The following COL23A1 variants were observed in gnomAD, a reference collection of about 807,000 sequenced individuals.
COL23A1 encodes collagen alpha-1(XXIII) chain.
In COL23A1, 97 loss-of-function variants were observed where a neutral mutation model predicts 99.3. The observed-to-expected ratio is 0.98, with a 90% CI of 0.83 to 1.16. The LOEUF (loss-of-function observed/expected upper bound fraction) is 1.16. Ranked by LOEUF, COL23A1 falls within the 50% of genes most tolerant of loss-of-function variation. The pLI is 0.00. For missense variants in COL23A1, 762 were observed against 757.4 expected (o/e 1.01, Z -0.07); for synonymous variants, 320 against 308.2 (o/e 1.04, Z -0.40).
At chr5:178,586,842 G>C (rs1231214304) in intron 1 of COL23A1, among the ~76,000 whole-genome samples, 4 of 152,138 alleles carry the variant, frequency 2.6e-5, no homozygotes, top group Admixed American at 2.6e-4. Flanking sequence ...CAAAGAGGCT[G>C]AAAAATCTCC....
At chr5:178,563,053 C>A (rs1399329775) in intron 1 of COL23A1, among the ~76,000 whole-genome samples, 1 of 152,234 alleles carries the variant, frequency 6.6e-6, no homozygotes, top group Non-Finnish European at 1.5e-5. Flanking sequence ...CTTCACCTCT[C>A]AAAAGCAATA....
rs538218529 is a variant in COL23A1, at chr5:178,442,670, A to G, written c.361+118012T>C. Among the ~76,000 whole-genome samples the G allele has an allele frequency of 3.3e-5, 5 of 152,300 alleles. No homozygotes were observed. The East Asian group carries it at 9.7e-4, about 29-fold the overall frequency. ...TTTAAAGCAGCAGAAGCTGCTCTTTAAACAGAAGGCATCTCGGAGAGGCCA... is the reference window on the plus strand; with the variant it reads ...TTTAAAGCAGCAGAAGCTGCTCTTTGAACAGAAGGCATCTCGGAGAGGCCA... On this transcript the variant is annotated intron_variant, in intron 2 of 28. Transcript: ENST00000390654.
chr5:178,486,880 G>C (rs1757660611), intron 2 of COL23A1, among the ~76,000 whole-genome samples: 1 of 152,188 alleles, frequency 6.6e-6, no homozygotes, highest in Non-Finnish European at 1.5e-5. Flanking sequence ...ACCCTGAGTG[G>C]GGAAACGAAG....
chr5:178,347,781 T>C (rs1761061864), intron 2 of COL23A1, among the ~76,000 whole-genome samples: 1 of 148,712 alleles, frequency 6.7e-6, no homozygotes, highest in Non-Finnish European at 1.5e-5. Flanking sequence ...CTCGGGAGGC[T>C]GAGGCAGGAG....
chr5:178,425,616 C>A (rs527875449), intron 2 of COL23A1, among the ~76,000 whole-genome samples: 11 of 152,120 alleles, frequency 7.2e-5, no homozygotes, highest in African/African-American at 2.7e-4. Context: ...TGCAACCGGC[C>A]AACACACGTC....
intron 2 of COL23A1, among the ~76,000 whole-genome samples, chr5:178,516,575 C>G (rs1759528785): frequency 6.6e-6 from 1 of 152,236 alleles, no homozygotes; most frequent in African/African-American, 2.4e-5. Context: ...AACCTTCTAA[C>G]CGTGCTGAAA....
intron 5 of COL23A1, among the ~76,000 whole-genome samples, chr5:178,279,979 C>T (rs149640025): frequency 2.5e-3 from 378 of 152,348 alleles, no homozygotes; most frequent in African/African-American, 8.5e-3. Flanking sequence ...TGGGGAGGGA[C>T]CCCTGGATGT....
rs774664912 is a variant in COL23A1 at position 178,313,490 on chromosome 5, G to A, written c.362-6571C>T. Among the ~76,000 whole-genome samples the A allele has an allele frequency of 7.2e-5, 11 of 152,216 alleles. No homozygotes were observed. Among genetic ancestry groups the A allele is most frequent in the Non-Finnish European group, 1.3e-4 (9 of 68,040 alleles). Reference sequence around the variant, plus strand: ...CTGCTGGCAGCCACAGCAGTGTCCCGTGTGAGGAGCCCGGCACTGTGGAGT... The same window carrying A: ...CTGCTGGCAGCCACAGCAGTGTCCCATGTGAGGAGCCCGGCACTGTGGAGT... On this transcript the variant is annotated intron_variant, in intron 2 of 28. Coordinates refer to ENST00000390654, the MANE Select transcript of COL23A1 (RefSeq NM_173465.4). This position sits in a 1 kb window ranked among gnomAD's most constrained non-coding sequence, Gnocchi z 4.2.
At chr5:178,350,364 T>C (rs2127676958) in intron 2 of COL23A1, among the ~76,000 whole-genome samples, 1 of 152,268 alleles carries the variant, frequency 6.6e-6, no homozygotes, top group South Asian at 2.1e-4. Context: ...CAGTGCCTGG[T>C]ACACAGCAAG....
At chr5:178,452,921 G>C (rs1265548445) in intron 2 of COL23A1, among the ~76,000 whole-genome samples, 1 of 152,148 alleles carries the variant, frequency 6.6e-6, no homozygotes, top group Non-Finnish European at 1.5e-5. Flanking sequence ...AATCAGATAT[G>C]TGTACCTACA....
At chr5:178,530,656 A>G (rs548751172) in intron 2 of COL23A1, among the ~76,000 whole-genome samples, 1 of 152,224 alleles carries the variant, frequency 6.6e-6, no homozygotes, top group South Asian at 2.1e-4. Flanking sequence ...AAGCAGCCAG[A>G]CCAAAGACCA....
intron 2 of COL23A1, among the ~76,000 whole-genome samples, chr5:178,336,579 C>T (rs763353736): frequency 1.4e-4 from 21 of 152,076 alleles, no homozygotes; most frequent in South Asian, 2.1e-4. Flanking sequence ...ACGCAGAGGC[C>T]GGGGAGAGCC....
Position 178,250,137 on chromosome 5 carries a change from G to A in COL23A1, c.1015-32C>T, listed in dbSNP as rs779043310. ...GGGAAGAGATGGCAAGAGGGGTTAT[G>A]CCTTCCTTTCCTAAAGAGGTGTCAG... On this transcript the variant is annotated intron_variant, in intron 17 of 28. Coordinates refer to ENST00000390654, the MANE Select transcript of COL23A1 (RefSeq NM_173465.4). The A allele has an allele frequency of 3.1e-6, 5 of 1,613,670 alleles. No individual in the cohort carries two copies. The Admixed American group carries it at 5.0e-5, about 16-fold the overall frequency.
intron 2 of COL23A1, among the ~76,000 whole-genome samples, chr5:178,523,157 T>TATACAC (rs1466161214): frequency 5.4e-4 from 41 of 76,086 alleles, no homozygotes; most frequent in Middle Eastern, 0.012. Context: ...TATATATATA[T>TATACAC]ATATACATAT....
chr5:178,523,614 G>A (rs923992466), intron 2 of COL23A1: 4 of 152,016 alleles, frequency 2.6e-5, no homozygotes, highest in East Asian at 1.9e-4. Flanking sequence ...ATGGAAGCTC[G>A]AGGATGGTGC....
chr5:178,280,416 T>C lies in COL23A1; in HGVS notation c.441+7908A>G, dbSNP rs1561820468. ...CCCCAATAGCTGAAGGGGCCGAGGC[T>C]TGGCGGGGCCAGGGACGTGCCTGAG... On this transcript the variant is annotated intron_variant, in intron 5 of 28. Coordinates refer to ENST00000390654, the MANE Select transcript of COL23A1 (RefSeq NM_173465.4). This position sits in a 1 kb window ranked among gnomAD's most constrained non-coding sequence, Gnocchi z 4.9. Among the ~76,000 whole-genome samples, 1 of 152,082 alleles carries C rather than the reference T, an allele frequency of 6.6e-6. No homozygotes were observed. The highest frequency in any genetic ancestry group is 6.5e-5 in the Admixed American group (1 of 15,274).
At chr5:178,530,327 T>C (rs1052199940) in intron 2 of COL23A1, among the ~76,000 whole-genome samples, 1 of 152,070 alleles carries the variant, frequency 6.6e-6, no homozygotes, top group Non-Finnish European at 1.5e-5. Flanking sequence ...CCGGGTGCAG[T>C]GGTGCGTGCC....
At chr5:178,504,439 C>T (rs1758750450) in intron 2 of COL23A1, among the ~76,000 whole-genome samples, 2 of 152,136 alleles carry the variant, frequency 1.3e-5, no homozygotes, top group Admixed American at 1.3e-4. Flanking sequence ...CAGATGAAAA[C>T]GAGAGGATGG....
At chr5:178,554,083 G>T (rs998318675) in intron 2 of COL23A1, among the ~76,000 whole-genome samples, 1 of 152,168 alleles carries the variant, frequency 6.6e-6, no homozygotes, top group African/African-American at 2.4e-5. Context: ...CGGAGCCGGT[G>T]AGCAACAGAG....
Sources: gnomAD v4.1 joint callset for allele counts (sites outside exome capture counted in the v4.1 genomes callset) on GRCh38, gnomAD v4.1.1 for gene constraint, Gnocchi (gnomAD v3.1) non-coding constraint, MANE v1.5 for transcripts, NCBI Gene and HGNC (gene_info 2026-07-23, HGNC 2026-07-21) for gene names.